Variants in ELOVL6 observed in about 807,000 individuals in gnomAD.
ELOVL6 encodes very long chain fatty acid elongase 6.
Under a neutral mutation model 31.7 loss-of-function variants are expected in ELOVL6, and 8 were observed. The ratio of observed to expected loss-of-function variants is 0.25; its 90% CI spans 0.15 to 0.45. The LOEUF is 0.45. ELOVL6 is among the 20% of genes least tolerant of loss of function. The probability of loss-of-function intolerance (pLI) is 1.00; values close to 1 mark genes in which losing one functional copy is unlikely to be tolerated. For missense variants in ELOVL6, 126 were observed against 326.4 expected (o/e 0.39, Z 4.73); for synonymous variants, 101 against 117.7 (o/e 0.86, Z 0.92).
chr4:110,089,388 A>G (rs2126238610), intron 2 of ELOVL6, among the ~76,000 whole-genome samples: 1 of 152,286 alleles, frequency 6.6e-6, no homozygotes, highest in South Asian at 2.1e-4. Flanking sequence ...CAAAGGGCTG[A>G]CTTTTCATAT....
chr4:110,178,098 G>T (rs1759164476), intron 1 of ELOVL6, among the ~76,000 whole-genome samples: 1 of 152,126 alleles, frequency 6.6e-6, no homozygotes, highest in Non-Finnish European at 1.5e-5. Flanking sequence ...AGCTTTTCAT[G>T]TGTCAGCCAG....
At chr4:110,089,163 T>A (rs1433804487) in intron 2 of ELOVL6, among the ~76,000 whole-genome samples, 1 of 152,214 alleles carries the variant, frequency 6.6e-6, no homozygotes, top group Non-Finnish European at 1.5e-5. Flanking sequence ...TATTTTAGGA[T>A]AAAATGCTTA....
At chr4:110,164,754 A>C (rs1318873078) in intron 1 of ELOVL6, among the ~76,000 whole-genome samples, 55 of 149,152 alleles carry the variant, frequency 3.7e-4, no homozygotes, top group Non-Finnish European at 1.2e-4. Flanking sequence ...AAAAAAAAAA[A>C]AGAAAAAAAA....
At chr4:110,083,567 T>A (rs1173227407) in intron 2 of ELOVL6, among the ~76,000 whole-genome samples, 1 of 151,680 alleles carries the variant, frequency 6.6e-6, no homozygotes, top group Non-Finnish European at 1.5e-5. Flanking sequence ...ATACAATTCA[T>A]TTTATTCTAA....
chr4:110,067,463 A>T (rs1208326339), intron 2 of ELOVL6, among the ~76,000 whole-genome samples: 1 of 152,224 alleles, frequency 6.6e-6, no homozygotes, highest in African/African-American at 2.4e-5. Flanking sequence ...TAAAGGAAAG[A>T]GTTTTTATTG....
chr4:110,113,097 A>G (rs958125953), intron 1 of ELOVL6, among the ~76,000 whole-genome samples: 1 of 151,636 alleles, frequency 6.6e-6, no homozygotes, highest in East Asian at 2.0e-4. Context: ...GCGTGGTGGC[A>G]GGCGCCTGTA....
At chr4:110,158,657 A>ATTTT (rs1184682018) in intron 1 of ELOVL6, among the ~76,000 whole-genome samples, 12 of 74,160 alleles carry the variant, frequency 1.6e-4, no homozygotes, top group South Asian at 4.2e-4. Flanking sequence ...ATATATATAT[A>ATTTT]TTTTTTTTTT....
At chr4:110,060,221 G>A (rs1367420346) in intron 2 of ELOVL6, among the ~76,000 whole-genome samples, 3 of 152,126 alleles carry the variant, frequency 2.0e-5, no homozygotes, top group Admixed American at 6.5e-5. Flanking sequence ...CTCTGGACTC[G>A]CCTTGCCAGC....
intron 1 of ELOVL6, among the ~76,000 whole-genome samples, chr4:110,174,427 A>G (rs1759041248): frequency 6.6e-6 from 1 of 152,150 alleles, no homozygotes; most frequent in Non-Finnish European, 1.5e-5. Flanking sequence ...TGGCCTCCCC[A>G]AGTGCTGAAA....
intron 1 of ELOVL6, among the ~76,000 whole-genome samples, chr4:110,141,188 C>T (rs1380477654): frequency 2.0e-5 from 3 of 152,088 alleles, no homozygotes; most frequent in African/African-American, 7.2e-5. Context: ...TTCAGCCTCC[C>T]AAGTAGCTGG....
intron 3 of ELOVL6, among the ~76,000 whole-genome samples, chr4:110,054,305 G>A (rs1178976134): frequency 6.6e-6 from 1 of 152,108 alleles, no homozygotes; most frequent in Non-Finnish European, 1.5e-5. Flanking sequence ...CTGGTGTCAG[G>A]AGACCCGGGA....
chr4:110,178,654 G>A (rs1238325163), intron 1 of ELOVL6, among the ~76,000 whole-genome samples: 2 of 151,898 alleles, frequency 1.3e-5, no homozygotes, highest in African/African-American at 4.8e-5. Flanking sequence ...AGAAACTTGA[G>A]AGCAACCTGG....
At chr4:110,095,279 C>A (rs984805667) in intron 2 of ELOVL6, among the ~76,000 whole-genome samples, 2 of 151,954 alleles carry the variant, frequency 1.3e-5, no homozygotes, top group Non-Finnish European at 2.9e-5. Context: ...GTCAGCAGTT[C>A]GAGACCAGCC....
intron 1 of ELOVL6, among the ~76,000 whole-genome samples, chr4:110,134,522 G>T (rs1044549976): frequency 1.2e-4 from 18 of 152,264 alleles, no homozygotes; most frequent in Non-Finnish European, 2.4e-4. Flanking sequence ...AAGGCCTCTG[G>T]GGGGACATGT....
intron 1 of ELOVL6, among the ~76,000 whole-genome samples, chr4:110,177,450 T>A (rs939793475): frequency 4.7e-5 from 7 of 150,504 alleles, no homozygotes; most frequent in South Asian, 2.1e-4. Context: ...AAAAATAAAT[T>A]AATAAATAAT....
chr4:110,183,335 C>T (rs1447290122), intron 1 of ELOVL6, among the ~76,000 whole-genome samples: 1 of 152,140 alleles, frequency 6.6e-6, no homozygotes, highest in African/African-American at 2.4e-5. Flanking sequence ...CTGTAAGCAA[C>T]ATCCCCTCCC....
intron 2 of ELOVL6, among the ~76,000 whole-genome samples, chr4:110,077,483 T>G (rs1194194417): frequency 6.6e-6 from 1 of 152,208 alleles, no homozygotes; most frequent in African/African-American, 2.4e-5. Flanking sequence ...AAACAGGGTC[T>G]GGAGTGGACC....
At chr4:110,174,428 A>G (rs1318530575) in intron 1 of ELOVL6, among the ~76,000 whole-genome samples, 2 of 152,334 alleles carry the variant, frequency 1.3e-5, no homozygotes, top group Non-Finnish European at 2.9e-5. Flanking sequence ...GGCCTCCCCA[A>G]GTGCTGAAAT....
intron 1 of ELOVL6, among the ~76,000 whole-genome samples, chr4:110,189,956 G>A (rs1759565112): frequency 7.0e-6 from 1 of 143,680 alleles, no homozygotes; most frequent in African/African-American, 2.6e-5. Flanking sequence ...GACAGAGCCA[G>A]ACTCCATCTC....
Sources: allele counts gnomAD v4.1 joint callset (sites outside exome capture counted in the v4.1 genomes callset), GRCh38; gene constraint gnomAD v4.1.1; transcripts MANE v1.5; gene names NCBI Gene and HGNC (gene_info 2026-07-23, HGNC 2026-07-21).